The following KCND3 variants were observed in gnomAD, a reference collection of about 807,000 sequenced individuals.
KCND3 encodes the protein A-type voltage-gated potassium channel KCND3.
Under a neutral mutation model 51.1 loss-of-function variants are expected in KCND3, and 9 were observed. The ratio of observed to expected loss-of-function variants is 0.18; its 90% CI spans 0.11 to 0.31. The LOEUF (loss-of-function observed/expected upper bound fraction) is 0.31. KCND3 is among the 10% of genes least tolerant of loss of function. The probability of loss-of-function intolerance (pLI) is 1.00; values close to 1 mark genes in which losing one functional copy is unlikely to be tolerated. For missense variants in KCND3, 526 were observed against 903.8 expected (o/e 0.58, Z 5.36); for synonymous variants, 349 against 368.0 (o/e 0.95, Z 0.59).
chr1:111,959,184 G>A (rs553037346), intron 2 of KCND3, among the ~76,000 whole-genome samples: 13 of 152,156 alleles, frequency 8.5e-5, no homozygotes, highest in Non-Finnish European at 1.5e-4. Context: ...AAAGGGATTC[G>A]GTCGGTGGTG....
At chr1:111,969,853 G>A (rs773346464) in intron 2 of KCND3, among the ~76,000 whole-genome samples, 3 of 152,072 alleles carry the variant, frequency 2.0e-5, no homozygotes, top group African/African-American at 4.8e-5. Context: ...AACCAACTGC[G>A]GATGACACTT....
chr1:111,793,577 C>T (rs1246978411), intron 2 of KCND3, among the ~76,000 whole-genome samples: 1 of 152,206 alleles, frequency 6.6e-6, no homozygotes, highest in African/African-American at 2.4e-5. Flanking sequence ...AGTAAATTAA[C>T]TCAATGTTGT....
At chr1:111,791,333 A>T (rs1190096743) in intron 2 of KCND3, among the ~76,000 whole-genome samples, 1 of 152,148 alleles carries the variant, frequency 6.6e-6, no homozygotes, top group African/African-American at 2.4e-5. Context: ...TAGGGACCAG[A>T]TCAGTCTCTT....
chr1:111,985,755 C>T (rs1001821257), intron 1 of KCND3, among the ~76,000 whole-genome samples: 6 of 152,212 alleles, frequency 3.9e-5, no homozygotes, highest in African/African-American at 1.4e-4. Context: ...TCAGTTTCCC[C>T]ATCTGCATGC....
intron 2 of KCND3, among the ~76,000 whole-genome samples, chr1:111,962,795 CTT>C (rs1321177545): frequency 6.6e-6 from 1 of 152,220 alleles, no homozygotes; most frequent in Non-Finnish European, 1.5e-5. Flanking sequence ...TGCTTCTCCT[CTT>C]ATTGAAAGGT....
intron 2 of KCND3, among the ~76,000 whole-genome samples, chr1:111,857,093 T>C (rs995054692): frequency 3.3e-5 from 5 of 152,228 alleles, no homozygotes; most frequent in African/African-American, 1.2e-4. Context: ...ACACTCGTCA[T>C]GCGCCTTCTC....
intron 2 of KCND3, among the ~76,000 whole-genome samples, chr1:111,790,818 A>G (rs754850924): frequency 9.2e-5 from 14 of 152,220 alleles, no homozygotes; most frequent in Non-Finnish European, 1.9e-4. Flanking sequence ...ATGTGAATGG[A>G]ACCATATATG....
intron 2 of KCND3, among the ~76,000 whole-genome samples, chr1:111,973,542 G>A (rs1265914005): frequency 6.6e-6 from 1 of 152,262 alleles, no homozygotes; most frequent in East Asian, 1.9e-4. Flanking sequence ...ACCACTGGGT[G>A]CAAATCAAAG....
intron 2 of KCND3, among the ~76,000 whole-genome samples, chr1:111,927,709 C>G (rs1345705089): frequency 6.6e-6 from 1 of 152,234 alleles, no homozygotes; most frequent in Non-Finnish European, 1.5e-5. Flanking sequence ...ATGCTGGGCA[C>G]TGTGCTAGGC....
rs988697687 is a variant in KCND3, at chr1:111,944,928, G to A, written c.1106+36693C>T. Among the ~76,000 whole-genome samples the A allele has an allele frequency of 3.3e-5, 5 of 152,346 alleles. No individual in the cohort carries two copies. The East Asian group carries it at 7.7e-4, about 24-fold the overall frequency. ...GCCTTGGCACACATGGTGCTGTGCTGCCAATTGTCTGCCTGCTTCTGTCAC... is the reference window on the plus strand; with the variant it reads ...GCCTTGGCACACATGGTGCTGTGCTACCAATTGTCTGCCTGCTTCTGTCAC... On this transcript the variant is annotated intron_variant, in intron 2 of 7. Coordinates refer to ENST00000302127, the MANE Select transcript of KCND3 (RefSeq NM_001378969.1).
intron 2 of KCND3, among the ~76,000 whole-genome samples, chr1:111,968,034 C>T (rs1355044570): frequency 2.6e-5 from 4 of 152,156 alleles, no homozygotes; most frequent in Admixed American, 6.5e-5. Flanking sequence ...CTCTGCTCCT[C>T]GGATGAGAAG....
intron 2 of KCND3, among the ~76,000 whole-genome samples, chr1:111,886,254 G>C (rs1484772809): frequency 6.6e-6 from 1 of 152,188 alleles, no homozygotes; most frequent in Non-Finnish European, 1.5e-5. Flanking sequence ...GACTGTTTAT[G>C]GTATCTGGAT....
In KCND3 at chr1:111,780,828, C is replaced by T. The variant is rs1163306119; in HGVS notation, c.1270-37G>A. The T allele has an allele frequency of 1.9e-6, 3 of 1,545,098 alleles. No individual in the cohort carries two copies. In the Admixed American group the frequency reaches 5.3e-5, roughly 27 times the overall value. ...AGAGATAATAAAAGAATGAGGCAGA[C>T]CATGATACAAAAAGACAGCAAGGCT... On this transcript the variant is annotated intron_variant, in intron 3 of 7. Coordinates refer to ENST00000302127, the MANE Select transcript of KCND3 (RefSeq NM_001378969.1). The surrounding 1 kb of genome is among the most constrained non-coding windows in gnomAD (Gnocchi z 4.2).
intron 2 of KCND3, among the ~76,000 whole-genome samples, chr1:111,831,632 G>T (rs1304224216): frequency 6.6e-6 from 1 of 151,982 alleles, no homozygotes; most frequent in Non-Finnish European, 1.5e-5. Flanking sequence ...TCCCTTCAAG[G>T]TAACAACTCA....
At chr1:111,933,469 T>C (rs748349868) in intron 2 of KCND3, among the ~76,000 whole-genome samples, 18 of 152,308 alleles carry the variant, frequency 1.2e-4, no homozygotes, top group Non-Finnish European at 2.2e-4. Flanking sequence ...CCATTCCACA[T>C]TGAGTGTCCT....
intron 2 of KCND3, among the ~76,000 whole-genome samples, chr1:111,914,092 T>C (rs768211704): frequency 6.6e-6 from 1 of 151,678 alleles, no homozygotes; most frequent in Admixed American, 6.6e-5. Context: ...AACATGAACA[T>C]GGTAAGGATT....
rs1663907868 is a variant in KCND3, at chr1:111,771,568, C to T, written c.*4509G>A. The T allele has an allele frequency of 6.6e-6, 1 of 152,178 alleles. No individual in the cohort carries two copies. Among genetic ancestry groups the T allele is most frequent in the South Asian group, 2.1e-4 (1 of 4,830 alleles). 9.4% of individuals were successfully genotyped at this position (152,178 alleles called of 1,614,324 possible). A position where few individuals can be genotyped will look rare whatever the true frequency, so the allele number is the denominator to read the frequency against. On this transcript the variant is annotated 3_prime_UTR_variant, in exon 8 of 8. Transcript: ENST00000302127. The stretch of plus-strand genomic sequence containing the variant: ...CTAGTGTTAGCTCAATTTTCAACCA[C>T]TTCCTCTGCAAAACTTAAGGAAAAA...
intron 2 of KCND3, among the ~76,000 whole-genome samples, chr1:111,955,685 C>A (rs1673297859): frequency 6.6e-6 from 1 of 152,216 alleles, no homozygotes; most frequent in Non-Finnish European, 1.5e-5. Context: ...ACATGAGGGT[C>A]CAATAAAGGT....
chr1:111,988,212 A>C (rs1289231695), intron 1 of KCND3, among the ~76,000 whole-genome samples: 2 of 152,088 alleles, frequency 1.3e-5, no homozygotes, highest in South Asian at 4.2e-4. Flanking sequence ...CATGACCCGG[A>C]GGGCTTCTCC....
Sources: allele counts gnomAD v4.1 joint callset (sites outside exome capture counted in the v4.1 genomes callset), GRCh38; gene constraint gnomAD v4.1.1; non-coding constraint Gnocchi (gnomAD v3.1); transcripts MANE v1.5; gene names NCBI Gene and HGNC (gene_info 2026-07-23, HGNC 2026-07-21).